Variants in VSTM2A observed in about 807,000 individuals in gnomAD.
The protein encoded by VSTM2A is V-set and transmembrane domain containing 2A, also known as V-set and transmembrane domain-containing protein 2A.
VSTM2A carries 13 observed loss-of-function variants against 27.3 expected under a neutral mutation model. The ratio of observed to expected loss-of-function variants is 0.48; its 90% CI spans 0.31 to 0.76. VSTM2A has a LOEUF of 0.76. Ranked by LOEUF, VSTM2A falls within the 30% of genes least tolerant of loss-of-function variation. VSTM2A has a pLI of 0.05. For missense variants in VSTM2A, 280 were observed against 310.0 expected (o/e 0.90, Z 0.73); for synonymous variants, 142 against 125.7 (o/e 1.13, Z -0.87).
rs570512965 is a variant in VSTM2A at position 54,563,979 on chromosome 7, T to C, written c.635-5152T>C. On this transcript the variant is annotated intron_variant, in intron 4 of 4. Transcript: ENST00000402613. ...TGACCTTTCCCCTTAAACAGTGATT[T>C]AGTATGTGCAAACCTGAATAAAAAT... is the stretch of plus-strand genomic sequence containing the variant. Among the ~76,000 whole-genome samples the C allele has an allele frequency of 7.2e-5, 11 of 152,356 alleles. No homozygotes were observed. The East Asian group carries it at 2.1e-3, about 29-fold the overall frequency.
chr7:54,556,108 C>CT (rs1483594773), intron 4 of VSTM2A, among the ~76,000 whole-genome samples: 1 of 152,096 alleles, frequency 6.6e-6, no homozygotes, highest in African/African-American at 2.4e-5. Context: ...CTACAAAATA[C>CT]TTTTTTTAGA....
intron 1 of VSTM2A, among the ~76,000 whole-genome samples, chr7:54,543,102 G>A (rs1269370140): frequency 6.6e-6 from 1 of 152,138 alleles, no homozygotes; most frequent in Non-Finnish European, 1.5e-5. Context: ...CTATCTGTGT[G>A]CATGCACAGG....
chr7:54,566,077 C>T (rs1562716061), intron 4 of VSTM2A, among the ~76,000 whole-genome samples: 1 of 152,236 alleles, frequency 6.6e-6, no homozygotes, highest in South Asian at 2.1e-4. Context: ...GAATTACAGT[C>T]GCAAGAGCAC....
rs185570328 is a variant in VSTM2A, at chr7:54,549,155, G to A, written c.298-679G>A. ...TTGAAAATCAAGCCAGTGTTTTATCGATGGCATCCCAAGTCCCTGTAGTAT... is the reference window on the plus strand; with the variant it reads ...TTGAAAATCAAGCCAGTGTTTTATCAATGGCATCCCAAGTCCCTGTAGTAT... On this transcript the variant is annotated intron_variant, in intron 3 of 4. Coordinates refer to ENST00000402613, the MANE Select transcript of VSTM2A (RefSeq NM_001301009.2). 7.0e-4 allele frequency among the ~76,000 whole-genome samples: 106 copies of A among 151,890 alleles called. 1 individual carries two copies. Among genetic ancestry groups the A allele is most frequent in the African/African-American group, 2.5e-3 (104 of 41,390 alleles).
At chr7:54,546,804 CA>C (rs1354558845) in intron 2 of VSTM2A, 142 bp from the exon 3 acceptor site, 7 of 922,926 alleles carry the variant, frequency 7.6e-6, no homozygotes, top group African/African-American at 5.7e-5. Context: ...TGGGCCTGGA[CA>C]GGGGTGGCCA....
Position 54,542,656 on chromosome 7 carries a change from C to A in VSTM2A, c.-75C>A. On this transcript the variant is annotated 5_prime_UTR_variant, in exon 1 of 5. Coordinates refer to ENST00000402613, the MANE Select transcript of VSTM2A (RefSeq NM_001301009.2). ...CCCAGGGCTCTGAGACTGAGCCTGC[C>A]ATCCACTCGCACGCCTTTCTTTCAG... The A allele has an allele frequency of 7.5e-7, 1 of 1,339,894 alleles. No homozygotes were observed. The highest frequency in any genetic ancestry group is 1.1e-6 in the Non-Finnish European group (1 of 943,664). 83.0% of individuals were successfully genotyped at this position (1,339,894 alleles called of 1,614,324 possible). A position where few individuals can be genotyped will look rare whatever the true frequency, so the allele number is the denominator to read the frequency against.
rs532540989 is a variant in VSTM2A at position 54,561,385 on chromosome 7, A to G, written c.635-7746A>G. Among the ~76,000 whole-genome samples the G allele has an allele frequency of 2.8e-5, 4 of 144,464 alleles. No individual in the cohort carries two copies. In the East Asian group the frequency reaches 8.1e-4, roughly 29 times the overall value. 94.8% of individuals were successfully genotyped at this position (144,464 alleles called of 152,430 possible). ...TTTAATGTAATTTGGTGAACGTTTA[A>G]GAAAACAACTCCAGACTGCCTATGT... On this transcript the variant is annotated intron_variant, in intron 4 of 4. Transcript: ENST00000402613.
chr7:54,549,407 G>A (rs1235355182), intron 3 of VSTM2A, among the ~76,000 whole-genome samples: 1 of 152,244 alleles, frequency 6.6e-6, no homozygotes, highest in Admixed American at 6.5e-5. Context: ...AAATATTTTT[G>A]TGATGTCTCA....
At chr7:54,559,631 A>G (rs917083284) in intron 4 of VSTM2A, 1 of 152,134 alleles carries the variant, frequency 6.6e-6, no homozygotes, top group African/African-American at 2.4e-5. Context: ...ATGTCCCTGA[A>G]ATCATACTTC....
intron 4 of VSTM2A, chr7:54,551,798 C>T (rs1562708741): frequency 6.6e-6 from 1 of 152,134 alleles, no homozygotes; most frequent in Non-Finnish European, 1.5e-5. Context: ...ACCTAATTAG[C>T]AAGAACTCCA....
At position 54,546,654 on chromosome 7, in the gene VSTM2A, G is replaced by T. The variant is rs552803889; in HGVS notation, c.247-293G>T. The T allele has an allele frequency of 1.1e-3, 344 of 313,054 alleles. 1 individual carries two copies. Among genetic ancestry groups the T allele is most frequent in the African/African-American group, 7.0e-3 (320 of 45,438 alleles). 19.4% of individuals were successfully genotyped at this position (313,054 alleles called of 1,614,324 possible). The stretch of plus-strand genomic sequence containing the variant: ...CGGCTCCCGGCCCCGCCTCCAGAGC[G>T]CAGCATCCGCGCGGCAGGGACAGCG... On this transcript the variant is annotated intron_variant, in intron 2 of 4. Coordinates refer to ENST00000402613, the MANE Select transcript of VSTM2A (RefSeq NM_001301009.2).
rs1041124218 is a variant in VSTM2A, at chr7:54,549,684, G to A, written c.298-150G>A. The A allele has an allele frequency of 4.3e-6, 3 of 695,192 alleles. No individual in the cohort carries two copies. The Admixed American group carries it at 9.4e-5, about 22-fold the overall frequency. 43.1% of individuals were successfully genotyped at this position (695,192 alleles called of 1,614,324 possible). ...AATAGGATAGCCAAGGCCTTCAGAT[G>A]TGACGTTAAGGAAATAAAAAGCTCC... On this transcript the variant is annotated intron_variant, in intron 3 of 4. Transcript: ENST00000402613.
chr7:54,560,518 G>A (rs1305844581), intron 4 of VSTM2A, among the ~76,000 whole-genome samples: 1 of 152,242 alleles, frequency 6.6e-6, no homozygotes, highest in East Asian at 1.9e-4. Context: ...AAAGTGAGGA[G>A]CAATGCATTG....
At position 54,550,106 on chromosome 7, in the gene VSTM2A, A is replaced by G; in HGVS notation, c.570A>G (p.Gln190=). The G allele has an allele frequency of 6.2e-7, 1 of 1,608,014 alleles. No individual in the cohort carries two copies. Among genetic ancestry groups the G allele is most frequent in the Admixed American group, 1.7e-5 (1 of 59,286 alleles). ...IPSSIHGSAN[Q]RTHSTSSPQV... is the part of the protein sequence containing the mutation. ...GCAGCATCCATGGCTCTGCCAACCA[A>G]CGAACGCACTCCACCTCCAGCCCTC... is the stretch of plus-strand genomic sequence containing the variant. The change falls in exon 4 of 5, where the codon CAA becomes CAG. Residue 190 remains glutamine (Q), a synonymous_variant. Transcript: ENST00000402613.
intron 4 of VSTM2A, chr7:54,559,661 T>A (rs1484209037): frequency 6.6e-6 from 1 of 152,122 alleles, no homozygotes; most frequent in Non-Finnish European, 1.5e-5. Context: ...ATTCCAAGGA[T>A]ATCATAGCGA....
In VSTM2A at chr7:54,542,664, C is replaced by T. The variant is rs1343178266; in HGVS notation, c.-67C>T. ...TCTGAGACTGAGCCTGCCATCCACT[C>T]GCACGCCTTTCTTTCAGGGCTTTTC... On this transcript the variant is annotated 5_prime_UTR_variant, in exon 1 of 5. Transcript: ENST00000402613. 6.3e-5 allele frequency: 91 copies of T among 1,448,080 alleles called. No individual in the cohort carries two copies. Among genetic ancestry groups the T allele is most frequent in the Admixed American group, 1.1e-4 (6 of 56,928 alleles). 89.7% of individuals were successfully genotyped at this position (1,448,080 alleles called of 1,614,324 possible).
rs1788825656 is a variant in VSTM2A at position 54,569,461 on chromosome 7, G to T, written c.*242G>T. The T allele has an allele frequency of 7.0e-6, 4 of 574,722 alleles. No individual in the cohort carries two copies. In the South Asian group the frequency reaches 9.4e-5, roughly 14 times the overall value. The allele number at this position is 574,722 out of a possible 1,614,324, so 35.6% of individuals were successfully genotyped here. On this transcript the variant is annotated 3_prime_UTR_variant, in exon 5 of 5. Coordinates refer to ENST00000402613, the MANE Select transcript of VSTM2A (RefSeq NM_001301009.2). The stretch of plus-strand genomic sequence containing the variant: ...ATCAGGATAGGGAATATTTACTATG[G>T]ATACCACTAATTTCCTACTAAAGGA...
At position 54,569,206 on chromosome 7, in the gene VSTM2A, C is replaced by T. The variant is rs1257615092; in HGVS notation, c.710C>T (p.Pro237Leu). 3 of 1,551,488 alleles carry T rather than the reference C, an allele frequency of 1.9e-6. No individual in the cohort carries two copies. Among genetic ancestry groups the T allele is most frequent in the Non-Finnish European group, 2.6e-6 (3 of 1,146,960 alleles). Reference protein sequence around the residue: ...LTLNSKHHPAPTVL With the variant: ...LTLNSKHHPALTVL Reference sequence around the variant, plus strand: ...CTAAACTCCAAGCACCACCCTGCACCCACTGTACTCTAATTCACTACACAA... The same window carrying T: ...CTAAACTCCAAGCACCACCCTGCACTCACTGTACTCTAATTCACTACACAA... Residue 237 changes from proline to leucine, a missense_variant, in exon 5 of 5, where the codon CCC becomes CTC. Pro to Leu is a moderately conservative substitution (Grantham distance 98, BLOSUM62 -3). Transcript: ENST00000402613.
chr7:54,542,867 C>A, intron 1 of VSTM2A, 58 bp downstream of exon 1: 2 of 1,506,110 alleles, frequency 1.3e-6, no homozygotes, highest in Non-Finnish European at 1.8e-6. Context: ...GTTTCCTACA[C>A]TCAAAAAGAA....
Sources: gnomAD v4.1 joint callset for allele counts (sites outside exome capture counted in the v4.1 genomes callset) on GRCh38, gnomAD v4.1.1 for gene constraint, MANE v1.5 for transcripts, NCBI Gene and HGNC (gene_info 2026-07-23, HGNC 2026-07-21) for gene names.